The following OAS3 variants were observed in gnomAD, a reference collection of about 807,000 sequenced individuals.
OAS3 encodes 2'-5'-oligoadenylate synthetase 3, also known as 2'-5'-oligoadenylate synthase 3.
Under a neutral mutation model 113.0 loss-of-function variants are expected in OAS3, and 107 were observed. The ratio of observed to expected loss-of-function variants is 0.95; its 90% CI spans 0.81 to 1.11. OAS3 has a LOEUF of 1.11. Ranked by LOEUF, OAS3 falls within the 50% of genes most tolerant of loss-of-function variation. The pLI, the probability that OAS3 is intolerant of heterozygous loss-of-function variation, is 0.00. For missense variants in OAS3, 1,258 were observed against 1,389.1 expected (o/e 0.91, Z 1.50); for synonymous variants, 552 against 573.6 (o/e 0.96, Z 0.54).
intron 4 of OAS3, 60 bp from the exon 5 acceptor site, chr12:112,947,886 T>C: frequency 6.9e-7 from 1 of 1,445,858 alleles, no homozygotes; most frequent in East Asian, 2.7e-5. Context: ...TGGAACCAGG[T>C]CCGTTTCACT....
rs1041377365 is a variant in OAS3, at chr12:112,972,466, A to G, written c.*2493A>G. The G allele has an allele frequency of 1.3e-5, 2 of 152,226 alleles. No homozygotes were observed. The highest frequency in any genetic ancestry group is 6.5e-5 in the Admixed American group (1 of 15,278). The allele number at this position is 152,226 out of a possible 1,614,324, so 9.4% of individuals were successfully genotyped here. ...CTCCCTGAGTTGATTGATAGGCTTA[A>G]TGGTCACCCTAAAAACACCCACATA... On this transcript the variant is annotated 3_prime_UTR_variant, in exon 16 of 16. Coordinates refer to ENST00000228928, the MANE Select transcript of OAS3 (RefSeq NM_006187.4).
rs951115452 is a variant in OAS3 at position 112,963,082 on chromosome 12, C to G, written c.2084+180C>G. Among the ~76,000 whole-genome samples, 1 of 152,146 alleles carries G rather than the reference C, an allele frequency of 6.6e-6. No homozygotes were observed. Among genetic ancestry groups the G allele is most frequent in the Non-Finnish European group, 1.5e-5 (1 of 68,018 alleles). The stretch of plus-strand genomic sequence containing the variant: ...GGACATAAGGAGTCCCAAAAGAAAC[C>G]AGGGCCAGTTTTATTAGCATGATAA... On this transcript the variant is annotated intron_variant, in intron 9 of 15. Transcript: ENST00000228928. The surrounding 1 kb of genome is among the most constrained non-coding windows in gnomAD (Gnocchi z 4.6).
chr12:112,949,945 G>A (rs1186751122), intron 6 of OAS3, among the ~76,000 whole-genome samples: 2 of 152,194 alleles, frequency 1.3e-5, no homozygotes, highest in Non-Finnish European at 2.9e-5. Flanking sequence ...CTTGAACCCG[G>A]GAGGCGGAGG....
intron 15 of OAS3, 89 bp from the exon 16 acceptor site, chr12:112,969,873 C>T (rs2136364349): frequency 6.3e-7 from 1 of 1,587,178 alleles, no homozygotes; most frequent in South Asian, 1.1e-5. Flanking sequence ...CAGGTATGCC[C>T]CTGTGCTTCC....
At chr12:112,959,305 C>T (rs531481406) in intron 7 of OAS3, among the ~76,000 whole-genome samples, 41 of 151,644 alleles carry the variant, frequency 2.7e-4, no homozygotes, top group African/African-American at 9.3e-4. Context: ...GGTGAGGCGA[C>T]GCCCTGCCCT....
At chr12:112,962,987 A>G in intron 9 of OAS3, 85 bp downstream of exon 9, 1 of 1,565,604 alleles carries the variant, frequency 6.4e-7, no homozygotes. Flanking sequence ...GGAGGAGTCC[A>G]AGGTAGGGTT....
At chr12:112,945,846 G>T (rs1226449014) in intron 3 of OAS3, among the ~76,000 whole-genome samples, 4 of 152,234 alleles carry the variant, frequency 2.6e-5, no homozygotes, top group Non-Finnish European at 4.4e-5. Context: ...AGGGCAAACT[G>T]CTGGGTATGG....
chr12:112,946,601 G>T, intron 3 of OAS3, 142 bp from the exon 4 acceptor site: 69 of 542,592 alleles, frequency 1.3e-4, no homozygotes, highest in Middle Eastern at 5.7e-4. Context: ...GGTGAGAAAT[G>T]CCACTTGTTC....
intron 2 of OAS3, among the ~76,000 whole-genome samples, chr12:112,943,776 C>T (rs954028645): frequency 2.6e-5 from 4 of 152,178 alleles, no homozygotes; most frequent in East Asian, 1.9e-4. Context: ...TGCAGTGGTA[C>T]GATCTCAGCT....
intron 7 of OAS3, 42 bp from the exon 8 acceptor site, chr12:112,961,029 T>C (rs918721086): frequency 4.4e-6 from 7 of 1,598,868 alleles, no homozygotes; most frequent in Non-Finnish European, 6.0e-6. Flanking sequence ...GCTGCTGTCT[T>C]CAATTGGAGT....
At chr12:112,960,749 C>T (rs59839246) in intron 7 of OAS3, among the ~76,000 whole-genome samples, 9,998 of 152,148 alleles carry the variant, frequency 0.066, 1,134 homozygotes, top group African/African-American at 0.23. Context: ...CTCCTTTAAC[C>T]ACTATGTGAC....
chr12:112,963,345 G>A lies in OAS3; in HGVS notation c.2117G>A (p.Trp706Ter). The A allele has an allele frequency of 6.4e-7, 1 of 1,570,782 alleles. No homozygotes were observed. The highest frequency in any genetic ancestry group is 1.2e-5 in the South Asian group (1 of 85,012). The change falls in exon 10 of 16, where the codon TGG (tryptophan) becomes TAG (stop). Residue 706 changes from tryptophan (W) to a stop codon, truncating the protein, a stop_gained. Transcript: ENST00000228928. LOFTEE classifies it high-confidence loss of function. The surrounding 1 kb of genome is among the most constrained non-coding windows in gnomAD (Gnocchi z 4.6). The part of the protein sequence containing the change: ...PLVLDPADPT[W>*]NVGHGSWELL... ...GTCCTGGACCCCGCTGATCCCACCTGGAACGTGGGCCACGGTAGCTGGGAG... is the reference window on the plus strand; with the variant it reads ...GTCCTGGACCCCGCTGATCCCACCTAGAACGTGGGCCACGGTAGCTGGGAG...
intron 7 of OAS3, among the ~76,000 whole-genome samples, chr12:112,951,279 A>T (rs2043788822): frequency 6.6e-6 from 1 of 152,172 alleles, no homozygotes; most frequent in Non-Finnish European, 1.5e-5. Flanking sequence ...GTATTTTTTT[A>T]AAGAAATTTC....
chr12:112,951,764 A>G (rs1402882500), intron 7 of OAS3, among the ~76,000 whole-genome samples: 1 of 150,340 alleles, frequency 6.7e-6, no homozygotes, highest in Non-Finnish European at 1.5e-5. Context: ...TGGAAGGCCA[A>G]TGCGGGCAGG....
At chr12:112,957,354 A>T (rs955864137) in intron 7 of OAS3, among the ~76,000 whole-genome samples, 1 of 152,170 alleles carries the variant, frequency 6.6e-6, no homozygotes, top group Admixed American at 6.5e-5. Flanking sequence ...TAATATTGTT[A>T]TGTGTAAATT....
Position 112,968,324 on chromosome 12 carries a change from G to A in OAS3, c.3104+150G>A, listed in dbSNP as rs140936085. On this transcript the variant is annotated intron_variant, in intron 14 of 15. Transcript: ENST00000228928. Reference sequence around the variant, plus strand: ...TATTTGTAGTACCTGAGGGACAAACGGTCAATTTTCTGGTCACCCAGGAAT... The same window carrying A: ...TATTTGTAGTACCTGAGGGACAAACAGTCAATTTTCTGGTCACCCAGGAAT... 498 of 1,146,702 alleles carry A rather than the reference G, an allele frequency of 4.3e-4. 4 individuals carry two copies. In the Admixed American group the frequency reaches 0.013, roughly 30 times the overall value. The allele number at this position is 1,146,702 out of a possible 1,614,324, so 71.0% of individuals were successfully genotyped here.
Position 112,949,115 on chromosome 12 carries a change from C to G in OAS3, c.1284C>G (p.Pro428=), listed in dbSNP as rs755806912. 17 of 1,613,904 alleles carry G rather than the reference C, an allele frequency of 1.1e-5. No individual in the cohort carries two copies. The highest frequency in any genetic ancestry group is 4.0e-5 in the African/African-American group (3 of 74,934). ...RFIQDHLKPS[P]QFQEQVKKAI... Reference sequence around the variant, plus strand: ...TCCAGGACCACCTGAAGCCGAGCCCCCAGTTCCAGGAGCAGGTGAAAAAGG... The same window carrying G: ...TCCAGGACCACCTGAAGCCGAGCCCGCAGTTCCAGGAGCAGGTGAAAAAGG... The change falls in exon 6 of 16, where the codon CCC becomes CCG. Residue 428 remains proline (P), a synonymous_variant. Coordinates refer to ENST00000228928, the MANE Select transcript of OAS3 (RefSeq NM_006187.4).
In OAS3 at chr12:112,964,242, T is replaced by A. The variant is rs765968056; in HGVS notation, c.2237T>A (p.Leu746His). The change falls in exon 11 of 16, where the codon CTC (leucine) becomes CAC (histidine). Residue 746 changes from leucine to histidine, a missense_variant. Physicochemically the swap from Leu to His is moderately conservative, Grantham distance 99. Transcript: ENST00000228928. ...CCTGGATTCTCTCTGCAGCCAGCCC[T>A]CCTTTACCAAACCCCAGCTGGGGAC... ...SVQPWDVMPA[L>H]LYQTPAGDLD... The A allele has an allele frequency of 5.7e-6, 9 of 1,589,098 alleles. No individual in the cohort carries two copies. In the South Asian group the frequency reaches 6.9e-5, roughly 12 times the overall value.
intron 1 of OAS3, 76 bp downstream of exon 1, chr12:112,938,783 C>G: frequency 8.5e-7 from 1 of 1,179,118 alleles, no homozygotes. Context: ...CATAGGCTTA[C>G]GGTGGGGGTG....
Sources: gnomAD v4.1 joint callset for allele counts (sites outside exome capture counted in the v4.1 genomes callset) on GRCh38, gnomAD v4.1.1 for gene constraint, Gnocchi (gnomAD v3.1) non-coding constraint, MANE v1.5 for transcripts, NCBI Gene and HGNC (gene_info 2026-07-23, HGNC 2026-07-21) for gene names.